Variants in SAMD4A observed in about 807,000 individuals in gnomAD.
SAMD4A encodes protein Smaug homolog 1.
In SAMD4A, 33 loss-of-function variants were observed where a neutral mutation model predicts 81.3. That is an observed-to-expected ratio of 0.41 (90% CI 0.31 to 0.54). SAMD4A has a LOEUF of 0.54. Ranked by LOEUF, SAMD4A falls within the 20% of genes least tolerant of loss-of-function variation. The probability of loss-of-function intolerance (pLI) is 0.37; values close to 1 mark genes in which losing one functional copy is unlikely to be tolerated. For synonymous variants in SAMD4A, 389 were observed against 382.1 expected (o/e 1.02, Z -0.21); for missense variants, 854 against 951.1 (o/e 0.90, Z 1.34).
intron 4 of SAMD4A, among the ~76,000 whole-genome samples, chr14:54,739,802 A>G (rs1348057946): frequency 6.6e-6 from 1 of 152,140 alleles, no homozygotes; most frequent in African/African-American, 2.4e-5. Flanking sequence ...TCCTAACCCA[A>G]GGGTTTGTCA....
intron 2 of SAMD4A, among the ~76,000 whole-genome samples, chr14:54,681,464 C>T (rs757617682): frequency 6.6e-6 from 1 of 152,160 alleles, no homozygotes; most frequent in Non-Finnish European, 1.5e-5. Flanking sequence ...CGGACTCGCT[C>T]TGTTACCCAG....
chr14:54,745,635 C>T (rs562484997), intron 4 of SAMD4A, among the ~76,000 whole-genome samples: 49 of 152,352 alleles, frequency 3.2e-4, no homozygotes, highest in African/African-American at 1.1e-3. Context: ...CCATAATAGG[C>T]ATGCAATAAA....
Position 54,699,715 on chromosome 14 carries a change from G to T in SAMD4A, c.197-2347G>T, listed in dbSNP as rs190334608. On this transcript the variant is annotated intron_variant, in intron 2 of 12. Coordinates refer to ENST00000554335, the MANE Select transcript of SAMD4A (RefSeq NM_015589.6). ...TCTTCTTTAATATGGCTACTAGAAAGTTTAGAATACCATATATGGCTTATA... is the reference window on the plus strand; with the variant it reads ...TCTTCTTTAATATGGCTACTAGAAATTTTAGAATACCATATATGGCTTATA... 1.8e-4 allele frequency among the ~76,000 whole-genome samples: 28 copies of T among 152,214 alleles called. No individual in the cohort carries two copies. In the East Asian group the frequency reaches 5.0e-3, roughly 27 times the overall value.
At chr14:54,736,045 T>C (rs1453583988) in intron 3 of SAMD4A, among the ~76,000 whole-genome samples, 2 of 152,198 alleles carry the variant, frequency 1.3e-5, no homozygotes, top group Non-Finnish European at 2.9e-5. Flanking sequence ...GAGAATGTTA[T>C]GAATAGACTT....
intron 2 of SAMD4A, among the ~76,000 whole-genome samples, chr14:54,680,265 A>G (rs1357384360): frequency 2.6e-5 from 4 of 152,254 alleles, no homozygotes; most frequent in Non-Finnish European, 4.4e-5. Context: ...CTATTTGAAA[A>G]AAGTCACTGC....
In SAMD4A at chr14:54,791,517, T is replaced by C. The variant is rs2039258874; in HGVS notation, c.*2573T>C. 1 of 152,250 alleles carries C rather than the reference T, an allele frequency of 6.6e-6. No homozygotes were observed. Among genetic ancestry groups the C allele is most frequent in the African/African-American group, 2.4e-5 (1 of 41,468 alleles). 9.4% of individuals were successfully genotyped at this position (152,250 alleles called of 1,614,324 possible). On this transcript the variant is annotated 3_prime_UTR_variant, in exon 13 of 13. Coordinates refer to ENST00000554335, the MANE Select transcript of SAMD4A (RefSeq NM_015589.6). ...GAGATATTATTTTGGATATGTTACT[T>C]ATTAACTTGCTATGGCTGGTAACCA...
chr14:54,685,275 C>CCT (rs1555343082), intron 2 of SAMD4A, among the ~76,000 whole-genome samples: 1 of 5,792 alleles, frequency 1.7e-4, no homozygotes, highest in Non-Finnish European at 9.8e-3. Context: ...ATTCTTCCTG[C>CCT]CCCCCCCCCC....
rs1458989840 is a variant in SAMD4A at position 54,791,446 on chromosome 14, A to G, written c.*2502A>G. ...AAAGTATCTGCAAATCTGAATTTCT[A>G]TTTATTCCTTCACTGAATATAGAAA... On this transcript the variant is annotated 3_prime_UTR_variant, in exon 13 of 13. Transcript: ENST00000554335. 3.9e-5 allele frequency: 6 copies of G among 152,224 alleles called. No individual in the cohort carries two copies. Among genetic ancestry groups the G allele is most frequent in the Non-Finnish European group, 8.8e-5 (6 of 68,034 alleles). The allele number at this position is 152,224 out of a possible 1,614,324, so 9.4% of individuals were successfully genotyped here. A position where few individuals can be genotyped will look rare whatever the true frequency, so the allele number is the denominator to read the frequency against.
chr14:54,650,954 A>G (rs961258525), intron 2 of SAMD4A, among the ~76,000 whole-genome samples: 5 of 152,196 alleles, frequency 3.3e-5, no homozygotes, highest in Admixed American at 1.3e-4. Flanking sequence ...TTTTAAAAAT[A>G]TATATCAACT....
chr14:54,737,436 G>A (rs988616209), intron 4 of SAMD4A, 149 bp downstream of exon 4: 6 of 922,172 alleles, frequency 6.5e-6, no homozygotes, highest in East Asian at 2.7e-5. Flanking sequence ...CAGAACTCCA[G>A]GTTGACCATG....
chr14:54,682,334 C>T (rs1012410578), intron 2 of SAMD4A, among the ~76,000 whole-genome samples: 11 of 152,172 alleles, frequency 7.2e-5, no homozygotes, highest in Non-Finnish European at 1.5e-5. Context: ...TCTATCTTCC[C>T]TGAGCCATGC....
chr14:54,757,425 G>GTGTTT (rs1555351354), intron 6 of SAMD4A, among the ~76,000 whole-genome samples: 1,910 of 135,922 alleles, frequency 0.014, 38 homozygotes, highest in East Asian at 0.11. Flanking sequence ...GTGTGTGTGT[G>GTGTTT]TGTTTTGTTT....
chr14:54,637,506 G>A (rs914771842), intron 2 of SAMD4A, among the ~76,000 whole-genome samples: 1 of 152,126 alleles, frequency 6.6e-6, no homozygotes, highest in Non-Finnish European at 1.5e-5. Flanking sequence ...GTGTTAAGAA[G>A]GAGAAAGTGT....
chr14:54,789,176 G>T lies in SAMD4A; in HGVS notation c.*232G>T. 1 of 569,256 alleles carries T rather than the reference G, an allele frequency of 1.8e-6. No homozygotes were observed. The highest frequency in any genetic ancestry group is 3.2e-6 in the Non-Finnish European group (1 of 316,178). The allele number at this position is 569,256 out of a possible 1,614,324, so 35.3% of individuals were successfully genotyped here. A position where few individuals can be genotyped will look rare whatever the true frequency, so the allele number is the denominator to read the frequency against. ...TCTGTCATGGGATGGTTTGGTGTGTGGGGTGGGGAGGGGTCTCTAGGGAAT... is the reference window on the plus strand; with the variant it reads ...TCTGTCATGGGATGGTTTGGTGTGTTGGGTGGGGAGGGGTCTCTAGGGAAT... On this transcript the variant is annotated 3_prime_UTR_variant, in exon 13 of 13. Transcript: ENST00000554335.
intron 2 of SAMD4A, among the ~76,000 whole-genome samples, chr14:54,578,834 A>C (rs370778381): frequency 8.5e-5 from 13 of 152,160 alleles, no homozygotes; most frequent in African/African-American, 3.1e-4. Flanking sequence ...ATTAATTTTC[A>C]GTTTTTTTAT....
At chr14:54,648,342 T>C (rs1286626402) in intron 2 of SAMD4A, among the ~76,000 whole-genome samples, 1 of 152,136 alleles carries the variant, frequency 6.6e-6, no homozygotes, top group Non-Finnish European at 1.5e-5. Flanking sequence ...ACGGGAGGAT[T>C]TGGCAGCCAA....
At chr14:54,750,614 C>CA (rs1307694431) in intron 5 of SAMD4A, among the ~76,000 whole-genome samples, 1 of 152,132 alleles carries the variant, frequency 6.6e-6, no homozygotes, top group East Asian at 1.9e-4. Flanking sequence ...CTTAGAGAAA[C>CA]AAAAGACAAG....
chr14:54,729,067 G>A (rs1240757756), intron 3 of SAMD4A, among the ~76,000 whole-genome samples: 1 of 152,180 alleles, frequency 6.6e-6, no homozygotes, highest in East Asian at 1.9e-4. Context: ...TTCTTGACAA[G>A]TGCTGGTAGC....
chr14:54,687,754 T>C lies in SAMD4A; in HGVS notation c.197-14308T>C, dbSNP rs887729299. On this transcript the variant is annotated intron_variant, in intron 2 of 12. Coordinates refer to ENST00000554335, the MANE Select transcript of SAMD4A (RefSeq NM_015589.6). The stretch of plus-strand genomic sequence containing the variant: ...CCTTGGTGTCCCCTAAGTGCCGTAT[T>C]GATTTGGGGGAATGGGAGGGTAAGG... Among the ~76,000 whole-genome samples, 14 of 152,110 alleles carry C rather than the reference T, an allele frequency of 9.2e-5. No individual in the cohort carries two copies. The East Asian group carries it at 2.7e-3, about 29-fold the overall frequency.
Sources: allele counts gnomAD v4.1 joint callset (sites outside exome capture counted in the v4.1 genomes callset), GRCh38; gene constraint gnomAD v4.1.1; transcripts MANE v1.5; gene names NCBI Gene and HGNC (gene_info 2026-07-23, HGNC 2026-07-21).